KIF11: variants seen among roughly 807,000 people sequenced by gnomAD.
KIF11 encodes kinesin-like protein KIF11.
A neutral mutation model predicts 121.0 loss-of-function variants in KIF11; 9 were observed. The ratio of observed to expected loss-of-function variants is 0.07; its 90% CI spans 0.04 to 0.13. The LOEUF (loss-of-function observed/expected upper bound fraction) is 0.13. Ranked by LOEUF, KIF11 falls within the 10% of genes least tolerant of loss-of-function variation. The pLI is 1.00. For synonymous variants in KIF11, 408 were observed against 421.0 expected (o/e 0.97, Z 0.38); for missense variants, 846 against 1,217.5 (o/e 0.69, Z 4.54).
chr10:92,593,600 G>A (rs1356870205), intron 1 of KIF11, 148 bp downstream of exon 1: 59 of 657,832 alleles, frequency 9.0e-5, no homozygotes, highest in Non-Finnish European at 1.4e-4. Flanking sequence ...AATGACACCC[G>A]GTTGCTGTGT....
intron 21 of KIF11, 44 bp from the exon 22 acceptor site, chr10:92,653,618 CTAA>C (rs756401470): frequency 1.3e-6 from 2 of 1,555,346 alleles, no homozygotes; most frequent in African/African-American, 2.7e-5. Context: ...TAATGTGTAT[CTAA>C]TGTTACTTTG....
chr10:92,604,668 A>G (rs1844410066), intron 1 of KIF11, among the ~76,000 whole-genome samples: 1 of 152,186 alleles, frequency 6.6e-6, no homozygotes, highest in Non-Finnish European at 1.5e-5. Flanking sequence ...TCCTTCTTAA[A>G]TAAGTAGCAA....
intron 21 of KIF11, among the ~76,000 whole-genome samples, chr10:92,652,934 G>A (rs1048496534): frequency 6.6e-6 from 1 of 152,180 alleles, no homozygotes; most frequent in South Asian, 2.1e-4. Context: ...ATTTGTCTCA[G>A]CATTGATGAC....
chr10:92,639,102 G>A lies in KIF11; in HGVS notation c.2161-692G>A, dbSNP rs550677986. On this transcript the variant is annotated intron_variant, in intron 16 of 21. Coordinates refer to ENST00000260731, the MANE Select transcript of KIF11 (RefSeq NM_004523.4). ...CAGTAATTGATAATATTTTTGGATTGCTTGACCCGTTAGTATATCACATTA... is the reference window on the plus strand; with the variant it reads ...CAGTAATTGATAATATTTTTGGATTACTTGACCCGTTAGTATATCACATTA... Among the ~76,000 whole-genome samples the A allele has an allele frequency of 3.5e-4, 54 of 152,268 alleles. No individual in the cohort carries two copies. In the South Asian group the frequency reaches 0.011, roughly 31 times the overall value.
intron 1 of KIF11, among the ~76,000 whole-genome samples, chr10:92,601,869 C>T (rs1844377581): frequency 6.6e-6 from 1 of 152,058 alleles, no homozygotes; most frequent in Non-Finnish European, 1.5e-5. Context: ...GAACATTCTT[C>T]AGTCTTTGAC....
intron 9 of KIF11, among the ~76,000 whole-genome samples, chr10:92,620,792 C>T (rs968952410): frequency 3.6e-4 from 55 of 152,296 alleles, no homozygotes; most frequent in African/African-American, 1.3e-3. Flanking sequence ...CATCAGATCT[C>T]GTGAGACCCA....
intron 13 of KIF11, 47 bp from the exon 14 acceptor site, chr10:92,633,576 A>T: frequency 1.5e-6 from 2 of 1,321,634 alleles, no homozygotes; most frequent in South Asian, 2.5e-5. Context: ...ACGGTATTTA[A>T]TATATTTATG....
Position 92,593,323 on chromosome 10 carries a change from C to T in KIF11, c.-53C>T, listed in dbSNP as rs888621985. On this transcript the variant is annotated 5_prime_UTR_variant, in exon 1 of 22. Coordinates refer to ENST00000260731, the MANE Select transcript of KIF11 (RefSeq NM_004523.4). ...CTGTCGGCCGCCAAGCCCCTCCGCCCCTCACAGCGCCCAGGTCCGCGGCCG... is the reference window on the plus strand; with the variant it reads ...CTGTCGGCCGCCAAGCCCCTCCGCCTCTCACAGCGCCCAGGTCCGCGGCCG... 7.1e-6 allele frequency: 11 copies of T among 1,555,130 alleles called. No individual in the cohort carries two copies. In the African/African-American group the frequency reaches 1.4e-4, roughly 19 times the overall value.
intron 14 of KIF11, among the ~76,000 whole-genome samples, chr10:92,635,991 A>C (rs7900689): frequency 0.7 from 106,412 of 152,110 alleles, 38,588 homozygotes; most frequent in East Asian, 0.93. Flanking sequence ...CCAAAAGGAG[A>C]TTAGATCAGG....
At chr10:92,629,758 A>G (rs1277172301) in intron 11 of KIF11, among the ~76,000 whole-genome samples, 4 of 152,090 alleles carry the variant, frequency 2.6e-5, no homozygotes, top group Non-Finnish European at 4.4e-5. Context: ...GACTTCAGGC[A>G]TGCACTACCA....
At chr10:92,623,900 T>C (rs1416174766) in intron 10 of KIF11, among the ~76,000 whole-genome samples, 3 of 152,156 alleles carry the variant, frequency 2.0e-5, no homozygotes, top group Non-Finnish European at 4.4e-5. Context: ...TTTTTTTAAC[T>C]TTTATTTTAG....
chr10:92,624,759 C>CTCTGTG (rs1554861186), intron 10 of KIF11, among the ~76,000 whole-genome samples: 1 of 148,144 alleles, frequency 6.8e-6, no homozygotes, highest in Non-Finnish European at 1.5e-5. Flanking sequence ...AATAGTATTT[C>CTCTGTG]TGTGTGTGTG....
intron 12 of KIF11, among the ~76,000 whole-genome samples, chr10:92,631,774 CAAGCG>C (rs1844741758): frequency 6.6e-6 from 1 of 151,874 alleles, no homozygotes; most frequent in African/African-American, 2.4e-5. Flanking sequence ...CTCCCGGGTT[CAAGCG>C]ATTCTCCCGC....
intron 10 of KIF11, among the ~76,000 whole-genome samples, chr10:92,623,156 A>G (rs551866880): frequency 3.4e-4 from 52 of 152,292 alleles, no homozygotes; most frequent in African/African-American, 1.2e-3. Flanking sequence ...CACCACTGCA[A>G]TCAAGATACA....
chr10:92,651,961 CTTT>C (rs36000362), intron 21 of KIF11, among the ~76,000 whole-genome samples: 1,087 of 102,526 alleles, frequency 0.011, 26 homozygotes, highest in African/African-American at 0.034. Context: ...ATGCTTGTAC[CTTT>C]TTTTTTTTTT....
At chr10:92,651,326 C>T (rs920220883) in intron 21 of KIF11, among the ~76,000 whole-genome samples, 7 of 151,630 alleles carry the variant, frequency 4.6e-5, no homozygotes, top group Admixed American at 3.9e-4. Flanking sequence ...CTGTGCCCAG[C>T]CCTCTACCCA....
In KIF11 at chr10:92,613,315, A is replaced by T; in HGVS notation, c.790-62A>T. The stretch of plus-strand genomic sequence containing the variant: ...TTAATACATTATGTATCCTGTGAGA[A>T]TGAAAGTCTTTGAATCCAAATCCAA... On this transcript the variant is annotated intron_variant, in intron 7 of 21. Coordinates refer to ENST00000260731, the MANE Select transcript of KIF11 (RefSeq NM_004523.4). This position sits in a 1 kb window ranked among gnomAD's most constrained non-coding sequence, Gnocchi z 4.2. 1 of 1,250,474 alleles carries T rather than the reference A, an allele frequency of 8.0e-7. No individual in the cohort carries two copies. Among genetic ancestry groups the T allele is most frequent in the Non-Finnish European group, 1.1e-6 (1 of 900,492 alleles). 77.5% of individuals were successfully genotyped at this position (1,250,474 alleles called of 1,614,324 possible).
chr10:92,596,238 T>C (rs753903118), intron 1 of KIF11, among the ~76,000 whole-genome samples: 5 of 152,132 alleles, frequency 3.3e-5, no homozygotes, highest in Admixed American at 2.6e-4. Flanking sequence ...CTCCTGACCT[T>C]GTGATCTGCC....
At chr10:92,627,162 A>G (rs967662066) in intron 10 of KIF11, among the ~76,000 whole-genome samples, 32 of 152,230 alleles carry the variant, frequency 2.1e-4, no homozygotes, top group Admixed American at 1.6e-3. Context: ...CCTTTAGTCA[A>G]CAATATCTCT....
Sources: allele counts gnomAD v4.1 joint callset (sites outside exome capture counted in the v4.1 genomes callset), GRCh38; gene constraint gnomAD v4.1.1; non-coding constraint Gnocchi (gnomAD v3.1); transcripts MANE v1.5; gene names NCBI Gene and HGNC (gene_info 2026-07-23, HGNC 2026-07-21).